Variants in CPNE4 observed in about 807,000 individuals in gnomAD.
CPNE4 encodes the protein copine 4, also known as copine-4.
CPNE4 carries 25 observed loss-of-function variants against 67.9 expected under a neutral mutation model. The ratio of observed to expected loss-of-function variants is 0.37; its 90% CI spans 0.27 to 0.51. CPNE4 has a LOEUF of 0.51. CPNE4 is among the 20% of genes least tolerant of loss of function. CPNE4 has a pLI of 0.93. For synonymous variants in CPNE4, 242 were observed against 244.9 expected (o/e 0.99, Z 0.11); for missense variants, 464 against 690.8 (o/e 0.67, Z 3.68).
intron 2 of CPNE4, among the ~76,000 whole-genome samples, chr3:131,762,864 A>G (rs530366980): frequency 1.3e-5 from 2 of 150,250 alleles, no homozygotes; most frequent in Non-Finnish European, 3.0e-5. Flanking sequence ...AAGGTTTATT[A>G]TGGTTTTTTT....
At chr3:131,664,322 G>T (rs1411039242) in intron 7 of CPNE4, among the ~76,000 whole-genome samples, 1 of 152,110 alleles carries the variant, frequency 6.6e-6, no homozygotes, top group African/African-American at 2.4e-5. Flanking sequence ...GCCTCCTAAA[G>T]AATATGTTCT....
intron 1 of CPNE4, among the ~76,000 whole-genome samples, chr3:131,912,120 T>C (rs1053261458): frequency 9.2e-5 from 14 of 152,116 alleles, no homozygotes; most frequent in African/African-American, 3.4e-4. Flanking sequence ...GACTAATGTC[T>C]GCTGAGAATT....
intron 13 of CPNE4, among the ~76,000 whole-genome samples, chr3:131,550,327 C>T (rs544314735): frequency 6.6e-6 from 1 of 152,064 alleles, no homozygotes; most frequent in African/African-American, 2.4e-5. Flanking sequence ...TAATATCCTA[C>T]TTTATATATA....
At chr3:131,916,462 C>T (rs1452827948) in intron 1 of CPNE4, among the ~76,000 whole-genome samples, 1 of 151,984 alleles carries the variant, frequency 6.6e-6, no homozygotes, top group Non-Finnish European at 1.5e-5. Context: ...AACTGATCTA[C>T]TTATGGGTCT....
At chr3:131,737,118 T>TA (rs998258585) in intron 2 of CPNE4, among the ~76,000 whole-genome samples, 7 of 95,278 alleles carry the variant, frequency 7.3e-5, no homozygotes, top group African/African-American at 3.7e-4. Flanking sequence ...ATTGTGTCTT[T>TA]TTTTTTTTTT....
At chr3:131,569,459 A>G (rs1010675704) in intron 10 of CPNE4, among the ~76,000 whole-genome samples, 8 of 151,780 alleles carry the variant, frequency 5.3e-5, no homozygotes, top group African/African-American at 2.4e-5. Flanking sequence ...ACACAGCTGG[A>G]CCCTGTCTCT....
At chr3:131,633,770 T>C (rs1413347512) in intron 7 of CPNE4, among the ~76,000 whole-genome samples, 1 of 151,772 alleles carries the variant, frequency 6.6e-6, no homozygotes, top group African/African-American at 2.4e-5. Flanking sequence ...TTTTTTATTT[T>C]TAAAAAAAAG....
chr3:131,813,661 C>A lies in CPNE4; in HGVS notation c.181-90036G>T, dbSNP rs2107946992. ...TCTAAGTCTGAGAGAAACAGGTTAA[C>A]CATTTTTTCAGTGGAAAAATAAGCT... On this transcript the variant is annotated intron_variant, in intron 2 of 15. Coordinates refer to ENST00000429747, the MANE Select transcript of CPNE4 (RefSeq NM_130808.3). Among the ~76,000 whole-genome samples the A allele has an allele frequency of 3.3e-5, 5 of 152,064 alleles. No homozygotes were observed. In the Middle Eastern group the frequency reaches 0.014, roughly 414 times the overall value.
intron 7 of CPNE4, among the ~76,000 whole-genome samples, chr3:131,607,533 ATAACATTCAACG>A (rs1421140502): frequency 6.6e-6 from 1 of 152,196 alleles, no homozygotes; most frequent in East Asian, 1.9e-4. Flanking sequence ...TCTGGCTATC[ATAACATTCAACG>A]TATTTTCAAA....
At position 131,565,666 on chromosome 3, in the gene CPNE4, G is replaced by A. The variant is rs915713231; in HGVS notation, c.928-1317C>T. Among the ~76,000 whole-genome samples the A allele has an allele frequency of 1.1e-4, 17 of 151,852 alleles. No homozygotes were observed. In the South Asian group the frequency reaches 1.5e-3, roughly 13 times the overall value. On this transcript the variant is annotated intron_variant, in intron 10 of 15. Coordinates refer to ENST00000429747, the MANE Select transcript of CPNE4 (RefSeq NM_130808.3). ...TTTTTCTTTTCTTTCATGAAATTACGTGTTCATCTGTGTTATGTTTTTCTT... is the reference window on the plus strand; with the variant it reads ...TTTTTCTTTTCTTTCATGAAATTACATGTTCATCTGTGTTATGTTTTTCTT...
At chr3:131,648,990 G>A (rs910698369) in intron 7 of CPNE4, among the ~76,000 whole-genome samples, 1 of 152,156 alleles carries the variant, frequency 6.6e-6, no homozygotes, top group African/African-American at 2.4e-5. Context: ...TGGAAACCAA[G>A]CATTTTCCTC....
intron 2 of CPNE4, among the ~76,000 whole-genome samples, chr3:131,880,426 T>C (rs1009677857): frequency 2.6e-5 from 4 of 152,196 alleles, no homozygotes; most frequent in African/African-American, 9.7e-5. Flanking sequence ...ATATGGTAGA[T>C]ATTTAACAAC....
intron 2 of CPNE4, among the ~76,000 whole-genome samples, chr3:131,816,135 C>A (rs538748228): frequency 1.3e-5 from 2 of 152,054 alleles, no homozygotes; most frequent in Non-Finnish European, 2.9e-5. Context: ...GGAAAAAGAT[C>A]CTAAAACCCA....
At chr3:131,690,645 C>G (rs186253653) in intron 5 of CPNE4, among the ~76,000 whole-genome samples, 1 of 151,762 alleles carries the variant, frequency 6.6e-6, no homozygotes, top group Non-Finnish European at 1.5e-5. Flanking sequence ...GAATTTATGT[C>G]GAAGTCCTCA....
rs556053403 is a variant in CPNE4, at chr3:131,591,350, T to G, written c.682-3768A>C. Among the ~76,000 whole-genome samples the G allele has an allele frequency of 2.0e-5, 3 of 152,274 alleles. No homozygotes were observed. In the South Asian group the frequency reaches 6.2e-4, roughly 32 times the overall value. On this transcript the variant is annotated intron_variant, in intron 7 of 15. Coordinates refer to ENST00000429747, the MANE Select transcript of CPNE4 (RefSeq NM_130808.3). ...TAGAAGAAAAGAAGTGGGAGCAACT[T>G]TTTTTTAACACTACCCTGAAATGGG...
chr3:131,698,833 C>A (rs2081223876), intron 4 of CPNE4, among the ~76,000 whole-genome samples: 1 of 148,430 alleles, frequency 6.7e-6, no homozygotes, highest in South Asian at 2.1e-4. Flanking sequence ...TCATTTGAAC[C>A]CAGGAGGTGG....
At chr3:131,931,778 A>G (rs760732516) in intron 1 of CPNE4, among the ~76,000 whole-genome samples, 12 of 152,200 alleles carry the variant, frequency 7.9e-5, no homozygotes, top group Non-Finnish European at 1.8e-4. Flanking sequence ...AAGGGGTCGC[A>G]CAACTGTTTG....
chr3:131,691,208 T>C (rs929522110), intron 5 of CPNE4, among the ~76,000 whole-genome samples: 12 of 152,146 alleles, frequency 7.9e-5, no homozygotes, highest in African/African-American at 2.9e-4. Flanking sequence ...TACTGGTATA[T>C]ACCCAAAGGA....
chr3:132,008,849 T>C (rs1055865850), intron 1 of CPNE4, among the ~76,000 whole-genome samples: 3 of 152,224 alleles, frequency 2.0e-5, no homozygotes, highest in Non-Finnish European at 4.4e-5. Flanking sequence ...CTAAGCATTA[T>C]TATAAAAATT....
Sources: allele counts gnomAD v4.1 joint callset (sites outside exome capture counted in the v4.1 genomes callset), GRCh38; gene constraint gnomAD v4.1.1; transcripts MANE v1.5; gene names NCBI Gene and HGNC (gene_info 2026-07-23, HGNC 2026-07-21).